The following TBC1D1 variants were observed in gnomAD, a reference collection of about 807,000 sequenced individuals.
TBC1D1 encodes TBC1 (tre-2/USP6, BUB2, cdc16) domain family, member 1.
A neutral mutation model predicts 125.6 loss-of-function variants in TBC1D1; 89 were observed. That is an observed-to-expected ratio of 0.71 (90% CI 0.60 to 0.85). The LOEUF is 0.85. Ranked by LOEUF, TBC1D1 falls within the 40% of genes least tolerant of loss-of-function variation. TBC1D1 has a pLI of 0.00. For synonymous variants in TBC1D1, 565 were observed against 564.1 expected, an observed-to-expected ratio of 1.00 and a Z score of -0.02; for missense variants, 1,377 against 1,469.2, an observed-to-expected ratio of 0.94 and a Z score of 1.03.
At chr4:38,114,590 T>G (rs1383583102) in intron 15 of TBC1D1, among the ~76,000 whole-genome samples, 1 of 152,204 alleles carries the variant, frequency 6.6e-6, no homozygotes, top group Non-Finnish European at 1.5e-5. Context: ...TGGCTCCAGA[T>G]GTTTCTTAAT....
intron 1 of TBC1D1, among the ~76,000 whole-genome samples, chr4:37,893,471 C>T (rs1713815302): frequency 6.6e-6 from 1 of 152,180 alleles, no homozygotes; most frequent in African/African-American, 2.4e-5. Flanking sequence ...TATTTCTCAG[C>T]AGTTTTCATC....
chr4:38,045,784 G>GA, intron 9 of TBC1D1, 33 bp from the exon 10 acceptor site: 1 of 1,579,422 alleles, frequency 6.3e-7, no homozygotes, highest in South Asian at 1.1e-5. Flanking sequence ...AAAGCCTCCA[G>GA]AGTCATAACT....
chr4:37,913,411 C>T (rs561907891), intron 2 of TBC1D1, among the ~76,000 whole-genome samples: 3 of 152,024 alleles, frequency 2.0e-5, no homozygotes, highest in East Asian at 3.9e-4. Flanking sequence ...CAAGTCTGAC[C>T]AACATGGAGA....
chr4:37,900,768 G>A (rs887312193), intron 1 of TBC1D1, among the ~76,000 whole-genome samples: 5 of 152,188 alleles, frequency 3.3e-5, no homozygotes, highest in African/African-American at 7.2e-5. Context: ...TACATCAAAC[G>A]TGGTTGTTGA....
chr4:37,929,194 G>C (rs1207136997), intron 2 of TBC1D1, among the ~76,000 whole-genome samples: 1 of 152,150 alleles, frequency 6.6e-6, no homozygotes, highest in Non-Finnish European at 1.5e-5. Flanking sequence ...TAAATAGCCA[G>C]TCTAGCATTT....
intron 7 of TBC1D1, chr4:38,030,482 T>C (rs1287185619): frequency 6.6e-6 from 1 of 152,250 alleles, no homozygotes; most frequent in African/African-American, 2.4e-5. Flanking sequence ...CCTTGAGTGA[T>C]ACAGATTTGT....
rs967395613 is a variant in TBC1D1, at chr4:38,118,099, G to A, written c.2869G>A (p.Glu957Lys). The stretch of plus-strand genomic sequence containing the variant: ...CAGAGACCTCTACAATCACCTGGAG[G>A]AGCACGAGATCGGCCCCAGCCTCTA... The change falls in exon 17 of 20, where the codon GAG becomes AAG. Residue 957 changes from glutamate (E) to lysine (K), a missense_variant. By Grantham distance (56) the Glu-to-Lys change is moderately conservative. Around this residue, in one of 3 missense-constraint regions of TBC1D1, gnomAD observed 543 missense variants for 613.5 expected, o/e 0.89. Transcript: ENST00000261439. The A allele has an allele frequency of 6.2e-7, 1 of 1,614,050 alleles. No homozygotes were observed. The highest frequency in any genetic ancestry group is 1.3e-5 in the African/African-American group (1 of 74,932).
At chr4:38,065,717 C>T (rs1753609323) in intron 12 of TBC1D1, among the ~76,000 whole-genome samples, 1 of 143,794 alleles carries the variant, frequency 7.0e-6, no homozygotes, top group Admixed American at 7.1e-5. Context: ...ACGATCTTGG[C>T]TCACTGCAAC....
chr4:37,926,979 T>C (rs973967541), intron 2 of TBC1D1, among the ~76,000 whole-genome samples: 2 of 151,990 alleles, frequency 1.3e-5, no homozygotes, highest in African/African-American at 4.8e-5. Context: ...TACCCGGGCA[T>C]GGTGGCGCAT....
intron 12 of TBC1D1, among the ~76,000 whole-genome samples, chr4:38,087,670 C>T (rs180783441): frequency 1.2e-4 from 18 of 151,684 alleles, no homozygotes; most frequent in Non-Finnish European, 1.9e-4. Context: ...GGTGAAACCC[C>T]GTCTCAACTG....
intron 14 of TBC1D1, 29 bp from the exon 17 acceptor site, chr4:38,102,970 T>C (rs768526063): frequency 1.9e-6 from 3 of 1,601,544 alleles, no homozygotes; most frequent in Non-Finnish European, 2.6e-6. Flanking sequence ...GTGCATAAAT[T>C]ATTTCCATGT....
chr4:38,014,992 C>T lies in TBC1D1; in HGVS notation c.882+19C>T, dbSNP rs943349294. The T allele has an allele frequency of 9.3e-6, 14 of 1,513,458 alleles. No individual in the cohort carries two copies. The highest frequency in any genetic ancestry group is 1.8e-4 in the Middle Eastern group (1 of 5,626). The allele number at this position is 1,513,458 out of a possible 1,614,324, so 93.8% of individuals were successfully genotyped here. On this transcript the variant is annotated intron_variant, in intron 3 of 19. Transcript: ENST00000261439. This position sits in a 1 kb window ranked among gnomAD's most constrained non-coding sequence, Gnocchi z 5.1. ...CTTCACGGTAAAATATCACCCAGCT[C>T]GTGCACAGCCCCAGTCTGCCATACG...
intron 2 of TBC1D1, among the ~76,000 whole-genome samples, chr4:38,013,069 A>T (rs552927879): frequency 1.3e-5 from 2 of 152,348 alleles, no homozygotes; most frequent in Admixed American, 1.3e-4. Flanking sequence ...CTGGGATTAC[A>T]GGCATGAGCC....
rs137922805 is a variant in TBC1D1, at chr4:37,914,508, C to T, written c.417+11996C>T. 5.6e-3 allele frequency among the ~76,000 whole-genome samples: 860 copies of T among 152,264 alleles called. 7 individuals are homozygous for T. Among genetic ancestry groups the T allele is most frequent in the African/African-American group, 0.019 (810 of 41,548 alleles). On this transcript the variant is annotated intron_variant, in intron 2 of 19. Coordinates refer to ENST00000261439, the MANE Select transcript of TBC1D1 (RefSeq NM_015173.4). ...TCCATTACAGAGCCCAAGCCTGAGG[C>T]GCCATTATATCTTATCTGGACTACT...
chr4:38,116,049 G>A, intron 16 of TBC1D1, 95 bp downstream of exon 18: 1 of 1,377,928 alleles, frequency 7.3e-7, no homozygotes, highest in Middle Eastern at 2.5e-4. Context: ...TCACCGTCAG[G>A]TAACATTGTA....
At chr4:38,075,057 CCA>C (rs1469068980) in intron 12 of TBC1D1, among the ~76,000 whole-genome samples, 1 of 152,132 alleles carries the variant, frequency 6.6e-6, no homozygotes, top group East Asian at 1.9e-4. Context: ...CCGCGCCTGG[CCA>C]CAGTCAGTAG....
Position 38,062,419 on chromosome 4 carries a change from C to T in TBC1D1, c.2050+8081C>T, listed in dbSNP as rs1367900467. Among the ~76,000 whole-genome samples, 3 of 152,008 alleles carry T rather than the reference C, an allele frequency of 2.0e-5. No homozygotes were observed. In the South Asian group the frequency reaches 6.2e-4, roughly 32 times the overall value. On this transcript the variant is annotated intron_variant, in intron 12 of 19. Coordinates refer to ENST00000261439, the MANE Select transcript of TBC1D1 (RefSeq NM_015173.4). Reference sequence around the variant, plus strand: ...AGGGTTTTAGGGCATGGGCAAAACACGGAAGAAAAAAGTTGTCTTCAGTTG... The same window carrying T: ...AGGGTTTTAGGGCATGGGCAAAACATGGAAGAAAAAAGTTGTCTTCAGTTG...
Position 37,902,150 on chromosome 4 carries a change from G to A in TBC1D1, c.55G>A (p.Val19Met). ...ACATCTGCTTTCTAACGAGGTCTCG[G>A]TGGATTTTGGCCTGCAGCTGGTGGG... is the stretch of plus-strand genomic sequence containing the variant. Residue 19 changes from valine to methionine, a missense_variant, in exon 2 of 20, where the codon GTG (valine) becomes ATG (methionine). Transcript: ENST00000261439. The A allele has an allele frequency of 6.2e-7, 1 of 1,613,328 alleles. No individual in the cohort carries two copies. Among genetic ancestry groups the A allele is most frequent in the South Asian group, 1.1e-5 (1 of 91,062 alleles).
intron 2 of TBC1D1, among the ~76,000 whole-genome samples, chr4:38,009,262 A>G (rs1273737251): frequency 6.6e-6 from 1 of 152,216 alleles, no homozygotes; most frequent in Admixed American, 6.5e-5. Context: ...AACTCCTTAC[A>G]ATGAGAAAGC....
Sources: allele counts gnomAD v4.1 joint callset (sites outside exome capture counted in the v4.1 genomes callset), GRCh38; gene constraint gnomAD v4.1.1; regional missense constraint gnomAD v4.1.1; non-coding constraint Gnocchi (gnomAD v3.1); transcripts MANE v1.5; gene names NCBI Gene and HGNC (gene_info 2026-07-23, HGNC 2026-07-21).